Variants in AGBL4 observed in about 807,000 individuals in gnomAD.
AGBL4 encodes the protein AGBL carboxypeptidase 4.
AGBL4 carries 58 observed loss-of-function variants against 66.4 expected under a neutral mutation model. That is an observed-to-expected ratio of 0.87 (90% CI 0.71 to 1.09). AGBL4 has a LOEUF of 1.09. Ranked by LOEUF, AGBL4 falls within the 50% of genes least tolerant of loss-of-function variation. AGBL4 has a pLI of 0.00. For missense variants in AGBL4, 579 were observed against 631.0 expected (o/e 0.92, Z 0.88); for synonymous variants, 234 against 222.9 (o/e 1.05, Z -0.44).
At chr1:49,069,644 A>G (rs905072987) in intron 4 of AGBL4, among the ~76,000 whole-genome samples, 1 of 151,784 alleles carries the variant, frequency 6.6e-6, no homozygotes, top group Non-Finnish European at 1.5e-5. Flanking sequence ...GCCTTGTAGT[A>G]TAGTTTGAAG....
At chr1:49,168,055 G>GT (rs1364038970) in intron 4 of AGBL4, among the ~76,000 whole-genome samples, 1 of 152,166 alleles carries the variant, frequency 6.6e-6, no homozygotes, top group African/African-American at 2.4e-5. Flanking sequence ...GGATGTGTAG[G>GT]TTATATGCAA....
At chr1:49,733,643 AG>A (rs1649630654) in intron 2 of AGBL4, among the ~76,000 whole-genome samples, 1 of 152,166 alleles carries the variant, frequency 6.6e-6, no homozygotes, top group Non-Finnish European at 1.5e-5. Flanking sequence ...CCATTGCAAC[AG>A]TGATGGGAGG....
At chr1:49,578,522 G>C (rs1644480161) in intron 3 of AGBL4, among the ~76,000 whole-genome samples, 1 of 152,228 alleles carries the variant, frequency 6.6e-6, no homozygotes, top group Non-Finnish European at 1.5e-5. Context: ...GACTGTAATT[G>C]TCATGAGTAT....
chr1:49,359,455 T>C (rs925601517), intron 3 of AGBL4, among the ~76,000 whole-genome samples: 3 of 152,016 alleles, frequency 2.0e-5, no homozygotes, highest in Admixed American at 6.6e-5. Context: ...AATAAATGGT[T>C]TCCAAAAAAA....
At chr1:49,218,107 A>G (rs536299420) in intron 4 of AGBL4, among the ~76,000 whole-genome samples, 1 of 152,028 alleles carries the variant, frequency 6.6e-6, no homozygotes, top group African/African-American at 2.4e-5. Context: ...TCTTCATGTC[A>G]TCCTTTCACC....
chr1:49,899,843 C>G (rs1480736668), intron 1 of AGBL4, among the ~76,000 whole-genome samples: 2 of 152,120 alleles, frequency 1.3e-5, no homozygotes, highest in African/African-American at 4.8e-5. Flanking sequence ...CAGCTCCAGA[C>G]CAGCCTGTCC....
intron 6 of AGBL4, among the ~76,000 whole-genome samples, chr1:48,763,944 A>T (rs1644403923): frequency 6.6e-6 from 1 of 152,204 alleles, no homozygotes; most frequent in Non-Finnish European, 1.5e-5. Flanking sequence ...TCATAACATG[A>T]ATGTAGGAGA....
At chr1:49,149,140 A>T (rs1646277432) in intron 4 of AGBL4, among the ~76,000 whole-genome samples, 3 of 152,354 alleles carry the variant, frequency 2.0e-5, no homozygotes, top group Admixed American at 1.3e-4. Context: ...CATGGGTGGC[A>T]GCAGGCATCC....
intron 3 of AGBL4, among the ~76,000 whole-genome samples, chr1:49,387,820 A>G (rs917999863): frequency 1.3e-5 from 2 of 152,002 alleles, no homozygotes; most frequent in African/African-American, 4.8e-5. Context: ...CTTTTCATAA[A>G]GGCTCTAACA....
intron 3 of AGBL4, among the ~76,000 whole-genome samples, chr1:49,411,716 A>T (rs1253615442): frequency 6.6e-6 from 1 of 152,206 alleles, no homozygotes; most frequent in Non-Finnish European, 1.5e-5. Flanking sequence ...AAACTAAAGA[A>T]TTAATCCTTT....
intron 11 of AGBL4, among the ~76,000 whole-genome samples, chr1:48,580,409 G>C (rs1402724924): frequency 6.6e-6 from 1 of 152,210 alleles, no homozygotes; most frequent in Non-Finnish European, 1.5e-5. Context: ...GAGGGGAAAG[G>C]CTGGGAAGCC....
At chr1:49,864,110 A>C (rs1557524282) in intron 1 of AGBL4, among the ~76,000 whole-genome samples, 1 of 152,196 alleles carries the variant, frequency 6.6e-6, no homozygotes, top group Non-Finnish European at 1.5e-5. Context: ...GTCATTTCCA[A>C]AAACATAGAT....
At chr1:48,810,067 G>A (rs148748801) in intron 6 of AGBL4, among the ~76,000 whole-genome samples, 361 of 152,182 alleles carry the variant, frequency 2.4e-3, no homozygotes, top group African/African-American at 6.8e-3. Flanking sequence ...AAGACTCCTC[G>A]AAACTCTGTT....
At chr1:49,672,718 C>T (rs1338963063) in intron 3 of AGBL4, among the ~76,000 whole-genome samples, 5 of 151,532 alleles carry the variant, frequency 3.3e-5, no homozygotes, top group African/African-American at 9.7e-5. Context: ...GTCAGGAGTT[C>T]AAGACCAGCC....
chr1:49,320,786 G>A lies in AGBL4; in HGVS notation c.283-74922C>T, dbSNP rs866778108. ...CTATAAAGATACTACCTGAGACTGA[G>A]TAATTTATAAAAGAAAGAGGTTTAA... On this transcript the variant is annotated intron_variant, in intron 3 of 13. Coordinates refer to ENST00000371839, the MANE Select transcript of AGBL4 (RefSeq NM_032785.4). Among the ~76,000 whole-genome samples the A allele has an allele frequency of 2.6e-5, 4 of 152,100 alleles. No individual in the cohort carries two copies. The South Asian group carries it at 6.2e-4, about 24-fold the overall frequency.
chr1:48,603,751 C>T (rs1467960988), intron 9 of AGBL4, among the ~76,000 whole-genome samples: 1 of 152,068 alleles, frequency 6.6e-6, no homozygotes, highest in East Asian at 1.9e-4. Context: ...CTAGTTAGAA[C>T]ATTTTTGTTA....
At chr1:49,948,054 A>G (rs1353534919) in intron 1 of AGBL4, among the ~76,000 whole-genome samples, 1 of 3,728 alleles carries the variant, frequency 2.7e-4, no homozygotes, top group Non-Finnish European at 4.6e-4. Context: ...ATATATAAAT[A>G]TATATATGTA....
chr1:49,122,217 C>T lies in AGBL4; in HGVS notation c.378-76417G>A, dbSNP rs191713895. Among the ~76,000 whole-genome samples, 5 of 152,324 alleles carry T rather than the reference C, an allele frequency of 3.3e-5. No individual in the cohort carries two copies. The East Asian group carries it at 9.7e-4, about 29-fold the overall frequency. ...TTGCCTCGCCCTCCATGGGCTGCAT[C>T]CACTGTCCAACCAGTCCCAATGAGA... On this transcript the variant is annotated intron_variant, in intron 4 of 13. Transcript: ENST00000371839.
intron 6 of AGBL4, among the ~76,000 whole-genome samples, chr1:48,669,197 T>C (rs1046909159): frequency 6.6e-6 from 1 of 152,200 alleles, no homozygotes; most frequent in Admixed American, 6.5e-5. Context: ...AGCCTCAGTT[T>C]CCTCACTTAT....
Sources: allele counts gnomAD v4.1 joint callset (sites outside exome capture counted in the v4.1 genomes callset), GRCh38; gene constraint gnomAD v4.1.1; transcripts MANE v1.5; gene names NCBI Gene and HGNC (gene_info 2026-07-23, HGNC 2026-07-21).